The following HNRNPLL variants were observed in gnomAD, a reference collection of about 807,000 sequenced individuals.
HNRNPLL encodes heterogeneous nuclear ribonucleoprotein L-like.
A neutral mutation model predicts 67.1 loss-of-function variants in HNRNPLL; 25 were observed. That is an observed-to-expected ratio of 0.37 (90% confidence interval 0.27 to 0.52). The LOEUF (loss-of-function observed/expected upper bound fraction) is 0.52. HNRNPLL is among the 20% of genes least tolerant of loss of function. The probability of loss-of-function intolerance (pLI) is 0.90; values close to 1 mark genes in which losing one functional copy is unlikely to be tolerated. For missense variants in HNRNPLL, 542 were observed against 673.9 expected (o/e 0.80, Z 2.17); for synonymous variants, 267 against 241.7 (o/e 1.10, Z -0.97).
At chr2:38,589,930 A>C (rs1287990966) in intron 2 of HNRNPLL, among the ~76,000 whole-genome samples, 2 of 152,220 alleles carry the variant, frequency 1.3e-5, no homozygotes, top group Admixed American at 6.5e-5. Flanking sequence ...TGTGCCACTT[A>C]TATAATCATT....
chr2:38,568,208 T>G lies in HNRNPLL; in HGVS notation c.1564A>C (p.Arg522=), dbSNP rs1558529087. The part of the protein sequence containing the change: ...ALTALNHYQI[R]VPNGSNPYTL... ...AAAGCATTTTACTTACTCGGCACTCTTATCTGATAGTGATTCAGTGCCGTA... is the reference window on the plus strand; with the variant it reads ...AAAGCATTTTACTTACTCGGCACTCGTATCTGATAGTGATTCAGTGCCGTA... Residue 522 remains arginine, a synonymous_variant, in exon 12 of 13, where the codon AGA becomes CGA. Coordinates refer to ENST00000449105, the MANE Select transcript of HNRNPLL (RefSeq NM_138394.4). The G allele has an allele frequency of 6.2e-7, 1 of 1,605,530 alleles. No individual in the cohort carries two copies. Among genetic ancestry groups the G allele is most frequent in the Non-Finnish European group, 8.5e-7 (1 of 1,172,778 alleles).
chr2:38,564,143 A>C lies in HNRNPLL; in HGVS notation c.*39T>G, dbSNP rs373775036. On this transcript the variant is annotated 3_prime_UTR_variant, in exon 13 of 13. Transcript: ENST00000449105. ...TAATGAAGTGTAGCTTTGAAATTGT[A>C]ATAAAGGTGAACATAAATTCTAACA... is the stretch of plus-strand genomic sequence containing the variant. 3 of 1,214,804 alleles carry C rather than the reference A, an allele frequency of 2.5e-6. No individual in the cohort carries two copies. The African/African-American group carries it at 4.5e-5, about 18-fold the overall frequency. The allele number at this position is 1,214,804 out of a possible 1,614,324, so 75.3% of individuals were successfully genotyped here.
At chr2:38,578,537 G>C (rs1318407885) in intron 6 of HNRNPLL, among the ~76,000 whole-genome samples, 1 of 152,016 alleles carries the variant, frequency 6.6e-6, no homozygotes, top group Non-Finnish European at 1.5e-5. Context: ...AGGTTTATGG[G>C]AGATGAGAAA....
At chr2:38,579,099 CATA>C (rs1198535776) in intron 6 of HNRNPLL, among the ~76,000 whole-genome samples, 1 of 152,052 alleles carries the variant, frequency 6.6e-6, no homozygotes, top group Admixed American at 6.6e-5. Flanking sequence ...CCACAACAAC[CATA>C]ATGTCTTCAT....
chr2:38,563,227 T>C lies in HNRNPLL; in HGVS notation c.*955A>G, dbSNP rs1396721017. Reference sequence around the variant, plus strand: ...GTTTAATAAATGGTATTGAGACAAATAGCTATCTGTTTGGAATAAAAATAA... The same window carrying C: ...GTTTAATAAATGGTATTGAGACAAACAGCTATCTGTTTGGAATAAAAATAA... On this transcript the variant is annotated 3_prime_UTR_variant, in exon 13 of 13. Transcript: ENST00000449105. 2.0e-5 allele frequency: 3 copies of C among 151,714 alleles called. No individual in the cohort carries two copies. Among genetic ancestry groups the C allele is most frequent in the Admixed American group, 1.3e-4 (2 of 15,250 alleles). The allele number at this position is 151,714 out of a possible 1,614,324, so 9.4% of individuals were successfully genotyped here.
rs1665702270 is a variant in HNRNPLL, at chr2:38,562,280, C to T, written c.*1902G>A. ...CAGTGTATAAATCTATCAGCAAGGC[C>T]CAACTTACCAACTAGTTTACTCCCA... On this transcript the variant is annotated 3_prime_UTR_variant, in exon 13 of 13. Transcript: ENST00000449105. The T allele has an allele frequency of 6.6e-6, 1 of 152,070 alleles. No individual in the cohort carries two copies. Among genetic ancestry groups the T allele is most frequent in the Non-Finnish European group, 1.5e-5 (1 of 67,990 alleles). The allele number at this position is 152,070 out of a possible 1,614,324, so 9.4% of individuals were successfully genotyped here.
chr2:38,572,286 G>C (rs1183732584), intron 8 of HNRNPLL, among the ~76,000 whole-genome samples: 1 of 151,946 alleles, frequency 6.6e-6, no homozygotes. Context: ...TAATTCTGAA[G>C]GGTTGCTTCC....
intron 1 of HNRNPLL, among the ~76,000 whole-genome samples, chr2:38,600,530 C>G (rs1003008635): frequency 1.3e-5 from 2 of 152,054 alleles, no homozygotes; most frequent in African/African-American, 4.8e-5. Context: ...AGTTAAGAGA[C>G]TAGCTTTGGC....
intron 1 of HNRNPLL, among the ~76,000 whole-genome samples, chr2:38,595,658 A>G (rs1007799298): frequency 6.6e-6 from 1 of 152,184 alleles, no homozygotes; most frequent in Non-Finnish European, 1.5e-5. Flanking sequence ...AGCCTGGCCA[A>G]CATGGTGAAA....
intron 1 of HNRNPLL, among the ~76,000 whole-genome samples, chr2:38,593,454 T>A (rs1287109149): frequency 6.6e-6 from 1 of 152,186 alleles, no homozygotes; most frequent in East Asian, 1.9e-4. Context: ...ATTAAGAGAA[T>A]CATTTCAGTT....
rs147915360 is a variant in HNRNPLL, at chr2:38,585,673, T to C, written c.517A>G (p.Ile173Val). 1.6e-5 allele frequency: 25 copies of C among 1,607,612 alleles called. No individual in the cohort carries two copies. The highest frequency in any genetic ancestry group is 1.6e-4 in the Middle Eastern group (1 of 6,074). The change falls in exon 3 of 13, where the codon ATT (isoleucine) becomes GTT (valine). Residue 173 changes from isoleucine (I) to valine (V), a missense_variant. Around this residue, in one of 2 missense-constraint regions of HNRNPLL, gnomAD observed 415 missense variants for 575.2 expected, o/e 0.72. Coordinates refer to ENST00000449105, the MANE Select transcript of HNRNPLL (RefSeq NM_138394.4). ...GTAATTGGATAAAGCGGATTCTGAA[T>C]TGAGAGCAGAAGAACTTTGTTGCCT... is the stretch of plus-strand genomic sequence containing the variant. Reference protein sequence around the residue: ...SGGNKVLLLSIQNPLYPITVD... With the variant: ...SGGNKVLLLSVQNPLYPITVD...
At position 38,591,597 on chromosome 2, in the gene HNRNPLL, G is replaced by A; in HGVS notation, c.241C>T (p.Arg81Ter). The change falls in exon 2 of 13, where the codon CGA becomes TGA. Residue 81 changes from arginine (R) to a stop codon, truncating the protein, a stop_gained. Coordinates refer to ENST00000449105, the MANE Select transcript of HNRNPLL (RefSeq NM_138394.4). LOFTEE classifies it high-confidence loss of function. ...TCCACCACAGATTCACAGAGTCCTC[G>A]AACATGGACGACGGGTGAAACAGAA... is the stretch of plus-strand genomic sequence containing the variant. ...KVSVSPVVHV[R>*]GLCESVVEAD... 2 of 1,613,806 alleles carry A rather than the reference G, an allele frequency of 1.2e-6. No individual in the cohort carries two copies.
intron 1 of HNRNPLL, chr2:38,601,836 C>A (rs940776150): frequency 2.0e-5 from 3 of 152,190 alleles, no homozygotes; most frequent in African/African-American, 7.2e-5. Flanking sequence ...ACTGAGTAAT[C>A]CACAAAATTG....
intron 7 of HNRNPLL, 50 bp downstream of exon 7, chr2:38,577,411 C>G: frequency 1.8e-6 from 2 of 1,105,548 alleles, no homozygotes; most frequent in Admixed American, 1.7e-5. Context: ...AGAAATGCAG[C>G]AAGTCAAACA....
intron 6 of HNRNPLL, chr2:38,581,187 T>C (rs1286676948): frequency 6.6e-6 from 1 of 152,232 alleles, no homozygotes; most frequent in Non-Finnish European, 1.5e-5. Context: ...AATTTGAATC[T>C]AAGCTGCACA....
At chr2:38,586,675 C>A (rs1352031351) in intron 2 of HNRNPLL, among the ~76,000 whole-genome samples, 1 of 152,094 alleles carries the variant, frequency 6.6e-6, no homozygotes, top group African/African-American at 2.4e-5. Flanking sequence ...AACAGACTGA[C>A]CAAAGTTCCA....
intron 12 of HNRNPLL, chr2:38,566,190 A>T: frequency 4.4e-6 from 2 of 451,252 alleles, no homozygotes; most frequent in Non-Finnish European, 5.9e-6. Flanking sequence ...CAACGTGGTG[A>T]AACCCCGTCT....
At chr2:38,582,207 T>TA in intron 4 of HNRNPLL, 39 bp from the exon 5 acceptor site, 1 of 1,309,212 alleles carries the variant, frequency 7.6e-7, no homozygotes, top group Non-Finnish European at 1.1e-6. Context: ...AGGTATCTGA[T>TA]ACTTAATCAT....
At chr2:38,598,335 T>C (rs77253770) in intron 1 of HNRNPLL, among the ~76,000 whole-genome samples, 2 of 152,192 alleles carry the variant, frequency 1.3e-5, no homozygotes, top group African/African-American at 4.8e-5. Context: ...AAAAGGAGAA[T>C]TGAAACATGG....
Sources: allele counts gnomAD v4.1 joint callset (sites outside exome capture counted in the v4.1 genomes callset), GRCh38; gene constraint gnomAD v4.1.1; regional missense constraint gnomAD v4.1.1; transcripts MANE v1.5; gene names NCBI Gene and HGNC (gene_info 2026-07-23, HGNC 2026-07-21).